The following TRPS1 variants were observed in gnomAD, a reference collection of about 807,000 sequenced individuals.
TRPS1 encodes the protein zinc finger transcription factor Trps1.
In TRPS1, 6 loss-of-function variants were observed where a neutral mutation model predicts 101.2. The ratio of observed to expected loss-of-function variants is 0.06; its 90% CI spans 0.03 to 0.12. TRPS1 has a LOEUF of 0.12. TRPS1 is among the 10% of genes least tolerant of loss of function. The pLI, the probability that TRPS1 is intolerant of heterozygous loss-of-function variation, is 1.00. For synonymous variants in TRPS1, 578 were observed against 589.8 expected, an observed-to-expected ratio of 0.98 and a Z score of 0.29; for missense variants, 1,363 against 1,567.0, an observed-to-expected ratio of 0.87 and a Z score of 2.20.
At chr8:115,580,853 A>T (rs189217830) in intron 5 of TRPS1, among the ~76,000 whole-genome samples, 2 of 152,168 alleles carry the variant, frequency 1.3e-5, no homozygotes, top group East Asian at 3.9e-4. Flanking sequence ...CCTCAAAAAA[A>T]CCGCAAACAG....
intron 5 of TRPS1, among the ~76,000 whole-genome samples, chr8:115,453,610 T>C (rs1813937710): frequency 1.3e-5 from 2 of 152,204 alleles, no homozygotes; most frequent in South Asian, 4.1e-4. Flanking sequence ...CATTGTTGTC[T>C]TGACATCCTG....
intron 5 of TRPS1, among the ~76,000 whole-genome samples, chr8:115,545,699 A>G (rs1038314029): frequency 1.3e-5 from 2 of 152,176 alleles, no homozygotes; most frequent in African/African-American, 2.4e-5. Flanking sequence ...TAAAGATCCA[A>G]TTCAGATTTA....
chr8:115,499,949 T>G (rs1221093249), intron 5 of TRPS1, among the ~76,000 whole-genome samples: 1 of 54,182 alleles, frequency 1.8e-5, no homozygotes, highest in Non-Finnish European at 3.8e-5. Context: ...CTTTCTTTCT[T>G]TCTTTCTTTC....
chr8:115,644,336 C>T (rs1396110516), intron 1 of TRPS1, among the ~76,000 whole-genome samples: 1 of 152,246 alleles, frequency 6.6e-6, no homozygotes. Flanking sequence ...TTCATCATCA[C>T]TTGCTGCTTC....
chr8:115,425,463 A>G (rs1281475879), intron 5 of TRPS1, among the ~76,000 whole-genome samples: 1 of 152,244 alleles, frequency 6.6e-6, no homozygotes, highest in Non-Finnish European at 1.5e-5. Context: ...TAAGAGCAAT[A>G]GAACAGTTTT....
intron 5 of TRPS1, among the ~76,000 whole-genome samples, chr8:115,429,986 T>C (rs1813280363): frequency 6.6e-6 from 1 of 152,170 alleles, no homozygotes; most frequent in Non-Finnish European, 1.5e-5. Context: ...TTAAAGATAT[T>C]TTGAAAAAGG....
chr8:115,644,153 G>A (rs534359854), intron 1 of TRPS1, among the ~76,000 whole-genome samples: 8 of 152,262 alleles, frequency 5.3e-5, no homozygotes, highest in Non-Finnish European at 1.0e-4. Context: ...CAGAATCTTT[G>A]GAATGCTAAA....
At position 115,617,794 on chromosome 8, in the gene TRPS1, CATA is replaced by C. The variant is rs535766010; in HGVS notation, c.966+1335_966+1337del. ...CAGTTCAAAGCATGTAGCTTTCATG[CATA>C]ATAACTATGTTGGGTTAATTTGCTG... On this transcript the variant is annotated intron_variant, in intron 3 of 6. Coordinates refer to ENST00000395715, the MANE Select transcript of TRPS1 (RefSeq NM_014112.5). 2.4e-3 allele frequency among the ~76,000 whole-genome samples: 371 copies of C among 152,264 alleles called. 2 individuals carry two copies. Among genetic ancestry groups the C allele is most frequent in the African/African-American group, 8.4e-3 (347 of 41,542 alleles).
intron 5 of TRPS1, among the ~76,000 whole-genome samples, chr8:115,445,346 T>C (rs1813706304): frequency 1.3e-5 from 2 of 152,220 alleles, no homozygotes; most frequent in African/African-American, 4.8e-5. Context: ...CCTCGTCAGC[T>C]AAACCTTTTA....
intron 1 of TRPS1, among the ~76,000 whole-genome samples, chr8:115,660,586 C>T (rs1223873616): frequency 2.7e-5 from 4 of 150,902 alleles, no homozygotes; most frequent in South Asian, 4.2e-4. Context: ...CTATTATGAA[C>T]GCAAACAAGA....
intron 5 of TRPS1, among the ~76,000 whole-genome samples, chr8:115,465,298 A>G (rs553920948): frequency 2.2e-4 from 34 of 152,130 alleles, no homozygotes; most frequent in Non-Finnish European, 3.7e-4. Flanking sequence ...TTAGAAATCA[A>G]TTCCACATAG....
intron 1 of TRPS1, among the ~76,000 whole-genome samples, chr8:115,626,852 A>T (rs774963047): frequency 1.1e-4 from 16 of 151,698 alleles, no homozygotes; most frequent in Non-Finnish European, 7.4e-5. Flanking sequence ...CTTTTATTTC[A>T]TCTTGCTATG....
chr8:115,554,612 T>C (rs146134633), intron 5 of TRPS1, among the ~76,000 whole-genome samples: 11 of 152,300 alleles, frequency 7.2e-5, no homozygotes, highest in African/African-American at 2.6e-4. Flanking sequence ...CAATGAGGAT[T>C]GCACCGCAGT....
chr8:115,590,074 G>T lies in TRPS1; in HGVS notation c.2097-2470C>A, dbSNP rs960571818. Among the ~76,000 whole-genome samples the T allele has an allele frequency of 2.0e-5, 3 of 151,908 alleles. No homozygotes were observed. In the South Asian group the frequency reaches 6.2e-4, roughly 32 times the overall value. On this transcript the variant is annotated intron_variant, in intron 4 of 6. Coordinates refer to ENST00000395715, the MANE Select transcript of TRPS1 (RefSeq NM_014112.5). ...GGAGGTTGCAGTGAGCCGAGATCAC[G>T]ACACTGTGCTCCAACCTGGGCGACA... is the stretch of plus-strand genomic sequence containing the variant.
intron 5 of TRPS1, among the ~76,000 whole-genome samples, chr8:115,478,029 A>G (rs747977123): frequency 3.3e-5 from 5 of 152,138 alleles, no homozygotes; most frequent in Non-Finnish European, 4.4e-5. Context: ...TACTGTGATG[A>G]ACATCCAAGT....
intron 5 of TRPS1, among the ~76,000 whole-genome samples, chr8:115,571,222 G>A (rs1326452124): frequency 1.3e-5 from 2 of 152,166 alleles, no homozygotes; most frequent in African/African-American, 4.8e-5. Context: ...ACTCAGGGTA[G>A]TTCCTTTACT....
intron 5 of TRPS1, among the ~76,000 whole-genome samples, chr8:115,426,680 C>G (rs1318088893): frequency 2.6e-5 from 4 of 152,038 alleles, no homozygotes; most frequent in Non-Finnish European, 5.9e-5. Context: ...GTATGACACT[C>G]TCCAGAAAAA....
At chr8:115,517,137 AC>A (rs1318165510) in intron 5 of TRPS1, among the ~76,000 whole-genome samples, 2 of 151,820 alleles carry the variant, frequency 1.3e-5, no homozygotes, top group African/African-American at 4.8e-5. Context: ...GATATTCCTA[AC>A]AAATTGTTTT....
chr8:115,580,248 AT>A (rs202005046), intron 5 of TRPS1, among the ~76,000 whole-genome samples: 1,995 of 130,696 alleles, frequency 0.015, 52 homozygotes, highest in African/African-American at 0.056. Flanking sequence ...AAAAAAAAAT[AT>A]ATATATATAT....
Sources: gnomAD v4.1 joint callset for allele counts (sites outside exome capture counted in the v4.1 genomes callset) on GRCh38, gnomAD v4.1.1 for gene constraint, MANE v1.5 for transcripts, NCBI Gene and HGNC (gene_info 2026-07-23, HGNC 2026-07-21) for gene names.